The following DLGAP2 variants were observed in gnomAD, a reference collection of about 807,000 sequenced individuals.
The protein encoded by DLGAP2 is disks large-associated protein 2.
A neutral mutation model predicts 100.3 loss-of-function variants in DLGAP2; 26 were observed. That is an observed-to-expected ratio of 0.26 (90% CI 0.19 to 0.36). DLGAP2 has a LOEUF of 0.36. Among genes scored for constraint, DLGAP2 ranks in the 10% least tolerant of loss-of-function variants. DLGAP2 has a pLI of 1.00. For missense variants in DLGAP2, 1,858 were observed against 1,453.2 expected (o/e 1.28, Z -4.53); for synonymous variants, 886 against 630.1 (o/e 1.41, Z -6.08).
chr8:1,184,202 C>G (rs1056516392), intron 2 of DLGAP2, among the ~76,000 whole-genome samples: 7 of 152,112 alleles, frequency 4.6e-5, no homozygotes, highest in African/African-American at 1.4e-4. Flanking sequence ...AGAGAGCAAG[C>G]CATTTAAAAG....
rs57694071 is a variant in DLGAP2 at position 1,645,502 on chromosome 8, G to T, written c.1810+12456G>T. 4.6e-3 allele frequency among the ~76,000 whole-genome samples: 702 copies of T among 152,262 alleles called. 4 individuals are homozygous for T. The highest frequency in any genetic ancestry group is 0.016 in the African/African-American group (676 of 41,538). ...GTTTTTAGTGTATGATGGGTTTGTG[G>T]GGACATAATCCCATTGCAAGTTGAG... On this transcript the variant is annotated intron_variant, in intron 8 of 14. Coordinates refer to ENST00000637795, the MANE Select transcript of DLGAP2 (RefSeq NM_001346810.2).
intron 2 of DLGAP2, among the ~76,000 whole-genome samples, chr8:1,089,908 G>A (rs987885601): frequency 2.0e-5 from 3 of 152,190 alleles, no homozygotes; most frequent in African/African-American, 7.2e-5. Context: ...GCTCTGAGCT[G>A]TGCAAATCCA....
intron 3 of DLGAP2, among the ~76,000 whole-genome samples, chr8:1,488,424 A>T (rs1306182906): frequency 2.0e-5 from 3 of 152,190 alleles, no homozygotes; most frequent in Non-Finnish European, 2.9e-5. Flanking sequence ...TTAAAGAGAA[A>T]GAGAATTGGG....
At chr8:804,131 C>G (rs1162073733) in intron 1 of DLGAP2, among the ~76,000 whole-genome samples, 2 of 152,060 alleles carry the variant, frequency 1.3e-5, no homozygotes, top group Non-Finnish European at 2.9e-5. Flanking sequence ...CTGTAGGATT[C>G]TCATTGTGGA....
At chr8:1,540,253 C>T (rs1338679800) in intron 4 of DLGAP2, among the ~76,000 whole-genome samples, 1 of 152,168 alleles carries the variant, frequency 6.6e-6, no homozygotes, top group Non-Finnish European at 1.5e-5. Flanking sequence ...CCTTGCCCCG[C>T]GTTTTTTAGA....
At chr8:982,023 C>A (rs73673042) in intron 2 of DLGAP2, among the ~76,000 whole-genome samples, 1,986 of 152,288 alleles carry the variant, frequency 0.013, 38 homozygotes, top group African/African-American at 0.045. Flanking sequence ...TTTTGCTCCT[C>A]CACCTTTAAA....
At chr8:1,479,334 A>T (rs1430424433) in intron 3 of DLGAP2, among the ~76,000 whole-genome samples, 2 of 152,218 alleles carry the variant, frequency 1.3e-5, no homozygotes, top group Non-Finnish European at 2.9e-5. Flanking sequence ...CCGCCTCTCA[A>T]GCTTTCATCC....
intron 2 of DLGAP2, among the ~76,000 whole-genome samples, chr8:1,076,276 T>C (rs1482024259): frequency 6.6e-6 from 1 of 152,162 alleles, no homozygotes. Flanking sequence ...TGGTTGGGAA[T>C]GGCATGAGCC....
chr8:1,211,208 C>T (rs1798097640), intron 2 of DLGAP2, among the ~76,000 whole-genome samples: 1 of 152,242 alleles, frequency 6.6e-6, no homozygotes, highest in African/African-American at 2.4e-5. Flanking sequence ...CCTGCGGATC[C>T]TCCCCATCAC....
At chr8:789,568 A>C (rs1821969976) in intron 1 of DLGAP2, among the ~76,000 whole-genome samples, 1 of 152,064 alleles carries the variant, frequency 6.6e-6, no homozygotes, top group Admixed American at 6.5e-5. Context: ...CAGAAAACTG[A>C]CTCTGGATGA....
chr8:1,202,565 C>G (rs948284102), intron 2 of DLGAP2, among the ~76,000 whole-genome samples: 1 of 152,132 alleles, frequency 6.6e-6, no homozygotes, highest in Non-Finnish European at 1.5e-5. Flanking sequence ...AGAGGAATTC[C>G]CCAGGAGATG....
At chr8:1,449,401 G>A (rs754275078) in intron 3 of DLGAP2, among the ~76,000 whole-genome samples, 2 of 152,212 alleles carry the variant, frequency 1.3e-5, no homozygotes, top group African/African-American at 2.4e-5. Context: ...TGGGGCTGGA[G>A]CTTCCAGGGG....
intron 3 of DLGAP2, among the ~76,000 whole-genome samples, chr8:1,486,048 A>C (rs1222212870): frequency 6.6e-6 from 1 of 152,194 alleles, no homozygotes; most frequent in Non-Finnish European, 1.5e-5. Flanking sequence ...ATAATTTTAA[A>C]AAGGAAGATC....
chr8:1,378,319 TTCACCTGTCTGTCCTGCACACACCTGACC>T lies in DLGAP2; in HGVS notation c.106+119475_106+119503del, dbSNP rs1484334363. Among the ~76,000 whole-genome samples, 32 of 130,222 alleles carry T rather than the reference TTCACCTGTCTGTCCTGCACACACCTGACC, an allele frequency of 2.5e-4. No homozygotes were observed. The East Asian group carries it at 5.6e-3, about 23-fold the overall frequency. The allele number at this position is 130,222 out of a possible 152,430, so 85.4% of individuals were successfully genotyped here. On this transcript the variant is annotated intron_variant, in intron 3 of 14. Coordinates refer to ENST00000637795, the MANE Select transcript of DLGAP2 (RefSeq NM_001346810.2). ...CTCACCTGTCCTGCGCACACCTGAC[TTCACCTGTCTGTCCTGCACACACCTGACC>T]TCACCTGTCTGTCCTGCACACACCT...
intron 1 of DLGAP2, among the ~76,000 whole-genome samples, chr8:820,464 T>C (rs1796563189): frequency 6.6e-6 from 1 of 152,158 alleles, no homozygotes; most frequent in Non-Finnish European, 1.5e-5. Context: ...ATCCGGCATA[T>C]GTAAAGAGTT....
intron 3 of DLGAP2, among the ~76,000 whole-genome samples, chr8:1,288,243 CAG>C (rs1491195342): frequency 1.1e-5 from 1 of 90,260 alleles, no homozygotes; most frequent in Non-Finnish European, 2.1e-5. Context: ...AGTTTCGTTT[CAG>C]TGTGTGTGTG....
At chr8:1,298,338 C>G (rs1800241336) in intron 3 of DLGAP2, among the ~76,000 whole-genome samples, 1 of 152,216 alleles carries the variant, frequency 6.6e-6, no homozygotes, top group African/African-American at 2.4e-5. Flanking sequence ...GTCCTGCAGC[C>G]TACAGAGGCC....
At chr8:1,261,095 G>A (rs962976336) in intron 3 of DLGAP2, among the ~76,000 whole-genome samples, 1 of 151,106 alleles carries the variant, frequency 6.6e-6, no homozygotes, top group Admixed American at 6.6e-5. Flanking sequence ...AGACAGACCG[G>A]GAGGGCTGGT....
At chr8:1,197,054 C>T (rs146699521) in intron 2 of DLGAP2, among the ~76,000 whole-genome samples, 13 of 152,178 alleles carry the variant, frequency 8.5e-5, no homozygotes, top group Non-Finnish European at 1.6e-4. Flanking sequence ...GGAGGCCTCG[C>T]CCAAGAAGAA....
Sources: gnomAD v4.1 joint callset for allele counts (sites outside exome capture counted in the v4.1 genomes callset) on GRCh38, gnomAD v4.1.1 for gene constraint, MANE v1.5 for transcripts, NCBI Gene and HGNC (gene_info 2026-07-23, HGNC 2026-07-21) for gene names.